The following MSH4 variants were observed in gnomAD, a reference collection of about 807,000 sequenced individuals.
MSH4 encodes the protein mutS protein homolog 4.
Under a neutral mutation model 113.7 loss-of-function variants are expected in MSH4, and 106 were observed. That is an observed-to-expected ratio of 0.93 (90% CI 0.80 to 1.10). The LOEUF (loss-of-function observed/expected upper bound fraction) is 1.10. MSH4 is among the 50% of genes least tolerant of loss of function. The pLI, the probability that MSH4 is intolerant of heterozygous loss-of-function variation, is 0.00. For synonymous variants in MSH4, 368 were observed against 380.2 expected, an observed-to-expected ratio of 0.97 and a Z score of 0.37; for missense variants, 1,061 against 1,093.7, an observed-to-expected ratio of 0.97 and a Z score of 0.42.
intron 11 of MSH4, 140 bp from the exon 12 acceptor site, chr1:75,878,852 T>A: frequency 1.4e-6 from 1 of 736,618 alleles, no homozygotes; most frequent in Non-Finnish European, 2.1e-6. Flanking sequence ...ATTATTAGAG[T>A]TTGAAAGAGC....
rs947707699 is a variant in MSH4 at position 75,796,895 on chromosome 1, G to A, written c.-91G>A. On this transcript the variant is annotated 5_prime_UTR_variant, in exon 1 of 20. Transcript: ENST00000263187. ...TAGTGCGTCGGCGCGCAGTTCTCCC[G>A]CCCGTTTCAGCGGCGCAGCTTCTGT... 2 of 1,567,316 alleles carry A rather than the reference G, an allele frequency of 1.3e-6. No individual in the cohort carries two copies. Among genetic ancestry groups the A allele is most frequent in the Admixed American group, 1.8e-5 (1 of 56,440 alleles).
At chr1:75,839,010 T>A (rs571948701) in intron 7 of MSH4, among the ~76,000 whole-genome samples, 17 of 152,344 alleles carry the variant, frequency 1.1e-4, no homozygotes, top group African/African-American at 4.1e-4. Context: ...TTTAACATAT[T>A]TGTTAAACTA....
chr1:75,906,718 TACTTTA>T (rs1652664722), intron 19 of MSH4, among the ~76,000 whole-genome samples: 1 of 148,426 alleles, frequency 6.7e-6, no homozygotes, highest in African/African-American at 2.5e-5. Flanking sequence ...AAACACTCCG[TACTTTA>T]ACTTCATTCC....
intron 15 of MSH4, among the ~76,000 whole-genome samples, chr1:75,886,326 GTATATATGATGTATTATATAT>G (rs1332337630): frequency 0.013 from 772 of 60,760 alleles, 117 homozygotes; most frequent in African/African-American, 0.027. Flanking sequence ...AGCATGTATA[GTATATATGATGTATTATATAT>G]TATATATGGT....
intron 17 of MSH4, among the ~76,000 whole-genome samples, chr1:75,893,257 C>T (rs544650646): frequency 6.6e-6 from 1 of 152,186 alleles, no homozygotes; most frequent in African/African-American, 2.4e-5. Flanking sequence ...CTAAATGTGC[C>T]CTGAAGGAAA....
intron 17 of MSH4, among the ~76,000 whole-genome samples, chr1:75,895,809 A>C (rs1290402697): frequency 6.6e-6 from 1 of 152,128 alleles, no homozygotes; most frequent in African/African-American, 2.4e-5. Flanking sequence ...TGCTGAAGAC[A>C]GTTGTATCAT....
chr1:75,810,413 T>C (rs905825311), intron 3 of MSH4, among the ~76,000 whole-genome samples: 1 of 41,850 alleles, frequency 2.4e-5, no homozygotes, highest in Non-Finnish European at 7.9e-5. Context: ...AATTTTTGTA[T>C]TTTTTTTTTT....
intron 7 of MSH4, among the ~76,000 whole-genome samples, chr1:75,842,586 A>G (rs1461517155): frequency 1.3e-5 from 2 of 152,196 alleles, no homozygotes. Context: ...ATCATACCCT[A>G]GGAAAAACCA....
intron 14 of MSH4, among the ~76,000 whole-genome samples, chr1:75,882,549 C>T (rs926762920): frequency 1.3e-5 from 2 of 151,140 alleles, no homozygotes; most frequent in African/African-American, 4.9e-5. Flanking sequence ...TACAAAATTT[C>T]TCCATGGGCT....
At chr1:75,859,605 A>G (rs971308299) in intron 8 of MSH4, among the ~76,000 whole-genome samples, 1 of 152,060 alleles carries the variant, frequency 6.6e-6, no homozygotes, top group African/African-American at 2.4e-5. Flanking sequence ...CTTCTAATTT[A>G]TTGCACTGTG....
chr1:75,860,040 TTTG>T (rs1386657508), intron 8 of MSH4, among the ~76,000 whole-genome samples: 1 of 152,190 alleles, frequency 6.6e-6, no homozygotes, highest in Non-Finnish European at 1.5e-5. Context: ...CTTTTTTATC[TTTG>T]TTGGTTTCAA....
intron 15 of MSH4, among the ~76,000 whole-genome samples, chr1:75,884,043 T>G (rs936524591): frequency 5.9e-5 from 9 of 152,292 alleles, no homozygotes; most frequent in Admixed American, 2.0e-4. Context: ...AAAATTTTTT[T>G]GGGATACTAC....
chr1:75,886,512 A>T (rs1184230993), intron 15 of MSH4, among the ~76,000 whole-genome samples: 4 of 115,990 alleles, frequency 3.4e-5, no homozygotes, highest in Non-Finnish European at 5.0e-5. Context: ...TATTATATAT[A>T]ATATATATGA....
intron 19 of MSH4, among the ~76,000 whole-genome samples, chr1:75,912,192 A>T (rs1490709227): frequency 6.6e-6 from 1 of 152,096 alleles, no homozygotes; most frequent in Non-Finnish European, 1.5e-5. Flanking sequence ...TTTAGGGGCA[A>T]GCAATTTTCT....
intron 9 of MSH4, among the ~76,000 whole-genome samples, chr1:75,868,147 G>T (rs1238680898): frequency 6.6e-6 from 1 of 152,028 alleles, no homozygotes; most frequent in Non-Finnish European, 1.5e-5. Flanking sequence ...GCTTTCTCCT[G>T]ATTAAATTCA....
At chr1:75,854,714 C>G (rs1651278454) in intron 8 of MSH4, among the ~76,000 whole-genome samples, 2 of 152,112 alleles carry the variant, frequency 1.3e-5, no homozygotes, top group South Asian at 4.2e-4. Flanking sequence ...GAGGGTTCTT[C>G]ACTTTATTTT....
intron 17 of MSH4, among the ~76,000 whole-genome samples, chr1:75,893,317 G>C (rs529652092): frequency 1.6e-3 from 237 of 152,268 alleles, no homozygotes; most frequent in African/African-American, 5.4e-3. Context: ...ATCAAACCCA[G>C]AATCTCATCC....
At chr1:75,893,542 T>A (rs367726938) in intron 17 of MSH4, among the ~76,000 whole-genome samples, 1 of 152,256 alleles carries the variant, frequency 6.6e-6, no homozygotes, top group African/African-American at 2.4e-5. Flanking sequence ...GGGATTAACC[T>A]AGCATTACCT....
chr1:75,896,164 T>C (rs1652374721), intron 17 of MSH4, among the ~76,000 whole-genome samples: 1 of 152,140 alleles, frequency 6.6e-6, no homozygotes, highest in Non-Finnish European at 1.5e-5. Context: ...AAAGACTAAA[T>C]TGCCTTCAGA....
Sources: gnomAD v4.1 joint callset for allele counts (sites outside exome capture counted in the v4.1 genomes callset) on GRCh38, gnomAD v4.1.1 for gene constraint, MANE v1.5 for transcripts, NCBI Gene and HGNC (gene_info 2026-07-23, HGNC 2026-07-21) for gene names.